CDH13: variants seen among roughly 807,000 people sequenced by gnomAD.
CDH13 encodes the protein cadherin-13.
A neutral mutation model predicts 63.8 loss-of-function variants in CDH13; 24 were observed. That is an observed-to-expected ratio of 0.38 (90% CI 0.27 to 0.53). The LOEUF (loss-of-function observed/expected upper bound fraction) is 0.53. CDH13 is among the 20% of genes least tolerant of loss of function. CDH13 has a pLI of 0.85. For missense variants in CDH13, 1,049 were observed against 903.1 expected (o/e 1.16, Z -2.07); for synonymous variants, 503 against 355.3 (o/e 1.42, Z -4.67).
intron 8 of CDH13, among the ~76,000 whole-genome samples, chr16:83,632,200 A>G (rs551974906): frequency 6.6e-6 from 1 of 151,368 alleles, no homozygotes; most frequent in Non-Finnish European, 1.5e-5. Flanking sequence ...GGCTGTTTTT[A>G]TTTCCCTGAA....
intron 7 of CDH13, among the ~76,000 whole-genome samples, chr16:83,557,785 G>A (rs770034144): frequency 6.6e-6 from 1 of 152,120 alleles, no homozygotes; most frequent in Non-Finnish European, 1.5e-5. Flanking sequence ...TTTGACCCCA[G>A]TAGCACCCAA....
chr16:83,766,362 G>T (rs1914387592), intron 11 of CDH13, among the ~76,000 whole-genome samples: 1 of 152,136 alleles, frequency 6.6e-6, no homozygotes, highest in Non-Finnish European at 1.5e-5. Context: ...AAAAATAATT[G>T]TAGTTTTTGC....
intron 1 of CDH13, among the ~76,000 whole-genome samples, chr16:82,707,679 C>T (rs554433540): frequency 2.6e-4 from 40 of 152,242 alleles, no homozygotes; most frequent in East Asian, 7.7e-4. Flanking sequence ...TGGTAACACC[C>T]GTTGCCCTCT....
Position 82,627,041 on chromosome 16 carries a change from T to C in CDH13, c.-52T>C. Reference sequence around the variant, plus strand: ...TGGCTCCCACGGAAAATATGCTCAGTGCAGCCGCGTGCATGAATGAAAACG... The same window carrying C: ...TGGCTCCCACGGAAAATATGCTCAGCGCAGCCGCGTGCATGAATGAAAACG... On this transcript the variant is annotated 5_prime_UTR_variant, in exon 1 of 14. Transcript: ENST00000567109. 1 of 1,563,858 alleles carries C rather than the reference T, an allele frequency of 6.4e-7. No homozygotes were observed. Among genetic ancestry groups the C allele is most frequent in the South Asian group, 1.2e-5 (1 of 84,902 alleles).
intron 7 of CDH13, among the ~76,000 whole-genome samples, chr16:83,497,276 G>C (rs967156467): frequency 5.9e-5 from 9 of 151,968 alleles, no homozygotes; most frequent in Non-Finnish European, 1.3e-4. Flanking sequence ...GTCCAACAAT[G>C]ATAGACTGGA....
At position 83,180,079 on chromosome 16, in the gene CDH13, G is replaced by T. The variant is rs147037036; in HGVS notation, c.484-37266G>T. Among the ~76,000 whole-genome samples the T allele has an allele frequency of 4.3e-3, 647 of 152,128 alleles. 1 individual carries two copies. Among genetic ancestry groups the T allele is most frequent in the African/African-American group, 0.015 (617 of 41,504 alleles). ...TTTACTTAGAAAACACAGAGACCTT[G>T]GAGCATAGTGATTGTTGTGTTTTTA... On this transcript the variant is annotated intron_variant, in intron 4 of 13. Transcript: ENST00000567109.
chr16:82,975,507 A>G (rs1909374308), intron 2 of CDH13, among the ~76,000 whole-genome samples: 1 of 152,224 alleles, frequency 6.6e-6, no homozygotes, highest in Admixed American at 6.5e-5. Context: ...CTATCTGCTC[A>G]TAGGACTGCC....
intron 6 of CDH13, among the ~76,000 whole-genome samples, chr16:83,356,423 C>T (rs533871374): frequency 6.6e-6 from 1 of 152,020 alleles, no homozygotes; most frequent in Admixed American, 6.6e-5. Flanking sequence ...CTCAACAACT[C>T]GAAGATTCAT....
chr16:82,864,874 G>A (rs1374382678), intron 2 of CDH13, among the ~76,000 whole-genome samples: 1 of 152,110 alleles, frequency 6.6e-6, no homozygotes, highest in Non-Finnish European at 1.5e-5. Flanking sequence ...CCACCTAGAG[G>A]CCTGTAAAAT....
At chr16:83,057,440 T>C (rs754630500) in intron 3 of CDH13, among the ~76,000 whole-genome samples, 1 of 152,218 alleles carries the variant, frequency 6.6e-6, no homozygotes, top group Non-Finnish European at 1.5e-5. Flanking sequence ...CACCAAACTG[T>C]ACACTTACAC....
At chr16:83,172,588 A>G (rs958691306) in intron 4 of CDH13, among the ~76,000 whole-genome samples, 1 of 151,964 alleles carries the variant, frequency 6.6e-6, no homozygotes, top group Non-Finnish European at 1.5e-5. Flanking sequence ...CAAACAAACA[A>G]CAAGAAAAAT....
At chr16:82,787,509 G>T (rs1156606880) in intron 1 of CDH13, among the ~76,000 whole-genome samples, 1 of 152,112 alleles carries the variant, frequency 6.6e-6, no homozygotes, top group East Asian at 1.9e-4. Flanking sequence ...GCTGCATTGG[G>T]GGGCTTTAAT....
intron 6 of CDH13, among the ~76,000 whole-genome samples, chr16:83,473,868 C>G (rs11861634): frequency 0.059 from 8,904 of 150,432 alleles, 887 homozygotes; most frequent in African/African-American, 0.2. Flanking sequence ...CAGCTTCCCT[C>G]TCCATAAAAT....
At chr16:83,509,139 G>A (rs1455190808) in intron 7 of CDH13, among the ~76,000 whole-genome samples, 1 of 152,120 alleles carries the variant, frequency 6.6e-6, no homozygotes, top group Non-Finnish European at 1.5e-5. Context: ...CCATACTTAG[G>A]GTCACCCTTT....
At chr16:82,736,220 C>T (rs1388686450) in intron 1 of CDH13, among the ~76,000 whole-genome samples, 1 of 152,018 alleles carries the variant, frequency 6.6e-6, no homozygotes, top group African/African-American at 2.4e-5. Context: ...GGAAGAACAC[C>T]CAGGGTGTAA....
intron 3 of CDH13, among the ~76,000 whole-genome samples, chr16:83,104,230 T>C (rs1459565315): frequency 1.3e-5 from 2 of 152,230 alleles, no homozygotes; most frequent in African/African-American, 4.8e-5. Flanking sequence ...GTGGAACTTT[T>C]CCTTGTTTTT....
intron 1 of CDH13, among the ~76,000 whole-genome samples, chr16:82,846,027 A>T (rs1350342115): frequency 6.6e-6 from 1 of 152,204 alleles, no homozygotes; most frequent in African/African-American, 2.4e-5. Flanking sequence ...ATCCAAACTG[A>T]AGGAGGGCAT....
chr16:83,525,817 G>A (rs1284142396), intron 7 of CDH13, among the ~76,000 whole-genome samples: 2 of 152,190 alleles, frequency 1.3e-5, no homozygotes, highest in African/African-American at 2.4e-5. Context: ...TGTGAAGACT[G>A]AAGAAGAGAA....
intron 4 of CDH13, among the ~76,000 whole-genome samples, chr16:83,208,447 C>G (rs974005601): frequency 2.0e-5 from 3 of 151,880 alleles, no homozygotes; most frequent in African/African-American, 7.3e-5. Flanking sequence ...TGCCTCTGAA[C>G]AGCTATAGGT....
Sources: gnomAD v4.1 joint callset for allele counts (sites outside exome capture counted in the v4.1 genomes callset) on GRCh38, gnomAD v4.1.1 for gene constraint, MANE v1.5 for transcripts, NCBI Gene and HGNC (gene_info 2026-07-23, HGNC 2026-07-21) for gene names.